MAF: variants seen among roughly 807,000 people sequenced by gnomAD.
The protein encoded by MAF is transcription factor Maf.
MAF carries 10 observed loss-of-function variants against 22.0 expected under a neutral mutation model. That is an observed-to-expected ratio of 0.45 (90% CI 0.28 to 0.77). The LOEUF is 0.77. MAF is among the 30% of genes least tolerant of loss of function. MAF has a pLI of 0.12. For synonymous variants in MAF, 337 were observed against 255.8 expected, an observed-to-expected ratio of 1.32 and a Z score of -3.03; for missense variants, 544 against 548.4, an observed-to-expected ratio of 0.99 and a Z score of 0.08.
the MAF span, among the ~76,000 whole-genome samples, chr16:79,564,790 T>C: frequency 3.3e-5 from 5 of 152,214 alleles, no homozygotes; most frequent in African/African-American, 1.2e-4. Context: ...TAATGGTTAA[T>C]TGCATAACCA....
the MAF span, among the ~76,000 whole-genome samples, chr16:79,278,901 G>A: frequency 6.6e-6 from 1 of 152,154 alleles, no homozygotes; most frequent in Non-Finnish European, 1.5e-5. Flanking sequence ...AGTAGGTGGT[G>A]TACCAGGTTC....
At chr16:79,308,090 G>A in the MAF span, among the ~76,000 whole-genome samples, 8 of 152,196 alleles carry the variant, frequency 5.3e-5, no homozygotes, top group Non-Finnish European at 1.2e-4. Context: ...CTTGGGAAGG[G>A]TCAGACTGTG....
At chr16:79,265,331 C>G in the MAF span, among the ~76,000 whole-genome samples, 5 of 152,120 alleles carry the variant, frequency 3.3e-5, no homozygotes, top group South Asian at 2.1e-4. Flanking sequence ...TCTGAATTCT[C>G]TTAGTGTTTT....
chr16:79,376,423 G>T, the MAF span, among the ~76,000 whole-genome samples: 1 of 151,914 alleles, frequency 6.6e-6, no homozygotes, highest in African/African-American at 2.4e-5. Context: ...ATGACCCAGG[G>T]ATTCCACCCC....
chr16:79,505,180 T>C, the MAF span, among the ~76,000 whole-genome samples: 1 of 152,222 alleles, frequency 6.6e-6, no homozygotes, highest in Admixed American at 6.5e-5. Flanking sequence ...AAGATATTGC[T>C]GCTTCACAAA....
chr16:79,590,600 G>A (rs1377850578), downstream of MAF, among the ~76,000 whole-genome samples: 1 of 152,108 alleles, frequency 6.6e-6, no homozygotes, highest in Non-Finnish European at 1.5e-5. Flanking sequence ...TGCAGACCCT[G>A]GTGCTAAGGA....
At chr16:79,582,362 G>A (rs1912573745), downstream of MAF, among the ~76,000 whole-genome samples, 1 of 149,932 alleles carries the variant, frequency 6.7e-6, no homozygotes, top group Non-Finnish European at 1.5e-5. Flanking sequence ...TTTGTTTTAA[G>A]TAAGTAATGA....
At chr16:79,398,313 C>T in the MAF span, among the ~76,000 whole-genome samples, 1 of 152,196 alleles carries the variant, frequency 6.6e-6, no homozygotes, top group Non-Finnish European at 1.5e-5. Flanking sequence ...GACGTTAATG[C>T]CATCTGCAAT....
the MAF span, among the ~76,000 whole-genome samples, chr16:79,249,617 G>A: frequency 6.6e-6 from 1 of 152,034 alleles, no homozygotes; most frequent in Non-Finnish European, 1.5e-5. Flanking sequence ...CATGGTTTAA[G>A]GTAATTTGTT....
At chr16:79,234,485 C>T in the MAF span, among the ~76,000 whole-genome samples, 8 of 152,170 alleles carry the variant, frequency 5.3e-5, no homozygotes, top group South Asian at 6.2e-4. Context: ...GTGTATTATT[C>T]ATGAACCAAC....
At chr16:79,399,649 G>C in the MAF span, among the ~76,000 whole-genome samples, 1 of 152,124 alleles carries the variant, frequency 6.6e-6, no homozygotes, top group Non-Finnish European at 1.5e-5. Flanking sequence ...AGGGTAGAAA[G>C]AACCAATGAT....
At chr16:79,308,604 T>C in the MAF span, among the ~76,000 whole-genome samples, 1 of 152,230 alleles carries the variant, frequency 6.6e-6, no homozygotes, top group African/African-American at 2.4e-5. Flanking sequence ...TGCAAAAGCA[T>C]CTTGTCCGTC....
At chr16:79,343,094 G>C in the MAF span, among the ~76,000 whole-genome samples, 1 of 152,200 alleles carries the variant, frequency 6.6e-6, no homozygotes. Context: ...GTTAAGACTT[G>C]TCAGAACAAG....
chr16:79,400,626 A>G, the MAF span, among the ~76,000 whole-genome samples: 44 of 152,204 alleles, frequency 2.9e-4, no homozygotes, highest in Non-Finnish European at 5.1e-4. Flanking sequence ...GAAAGAGATA[A>G]TCTGTGATCA....
At chr16:79,508,893 T>G in the MAF span, among the ~76,000 whole-genome samples, 1 of 152,112 alleles carries the variant, frequency 6.6e-6, no homozygotes, top group Non-Finnish European at 1.5e-5. Flanking sequence ...TTAATGGGTA[T>G]GAGGCTTCCT....
At chr16:79,338,227 G>C in the MAF span, among the ~76,000 whole-genome samples, 68 of 152,324 alleles carry the variant, frequency 4.5e-4, no homozygotes, top group Admixed American at 7.8e-4. Context: ...ACGTGTGGAA[G>C]AATTGCAGGT....
the MAF span, among the ~76,000 whole-genome samples, chr16:79,267,683 T>C: frequency 6.6e-6 from 1 of 152,218 alleles, no homozygotes. Context: ...TGTGAGCCTC[T>C]ACCTCCTCTT....
the MAF span, among the ~76,000 whole-genome samples, chr16:79,526,472 C>T: frequency 0.039 from 5,953 of 152,274 alleles, 218 homozygotes; most frequent in Non-Finnish European, 0.054. Flanking sequence ...TCCTGCTGTG[C>T]AGCCCGGTTC....
the MAF span, among the ~76,000 whole-genome samples, chr16:79,537,455 G>T: frequency 6.6e-6 from 1 of 152,144 alleles, no homozygotes; most frequent in Non-Finnish European, 1.5e-5. Flanking sequence ...ACAGCTGAAG[G>T]CATTAAGGTT....
Sources: allele counts gnomAD v4.1 joint callset (sites outside exome capture counted in the v4.1 genomes callset), GRCh38; gene constraint gnomAD v4.1.1; transcripts MANE v1.5; gene names NCBI Gene and HGNC (gene_info 2026-07-23, HGNC 2026-07-21).